Variants in DENND4C observed in about 807,000 individuals in gnomAD.
DENND4C encodes DENN domain containing 4C.
Under a neutral mutation model 203.0 loss-of-function variants are expected in DENND4C, and 108 were observed. That is an observed-to-expected ratio of 0.53 (90% confidence interval 0.46 to 0.62). The LOEUF is 0.62. Among genes scored for constraint, DENND4C ranks in the 20% least tolerant of loss-of-function variants. DENND4C has a pLI of 0.00. For missense variants in DENND4C, 2,481 were observed against 2,301.2 expected, an observed-to-expected ratio of 1.08 and a Z score of -1.60; for synonymous variants, 871 against 792.4, an observed-to-expected ratio of 1.10 and a Z score of -1.67.
rs1166538445 is a variant in DENND4C at position 19,328,653 on chromosome 9, GTCTGTCTA to G, written c.2253+495_2253+502del. ...TATGTGTCTGTCTGTCTGTCTGTCT[GTCTGTCTA>G]TCTATCTATCTATCTATCTATCTAT... On this transcript the variant is annotated intron_variant, in intron 16 of 32. Transcript: ENST00000434457. Among the ~76,000 whole-genome samples, 585 of 84,448 alleles carry G rather than the reference GTCTGTCTA, an allele frequency of 6.9e-3. 2 individuals are homozygous for G. Among genetic ancestry groups the G allele is most frequent in the Middle Eastern group, 0.026 (5 of 190 alleles). 55.4% of individuals were successfully genotyped at this position (84,448 alleles called of 152,430 possible).
At position 19,372,226 on chromosome 9, in the gene DENND4C, T is replaced by C. The variant is rs1828972320; in HGVS notation, c.*53T>C. ...CAAGGCTTGGGGATTAGATTTCATC[T>C]GGAAACATTCAAGTTTTTTTTTCCA... On this transcript the variant is annotated 3_prime_UTR_variant, in exon 33 of 33. Coordinates refer to ENST00000434457, the MANE Select transcript of DENND4C (RefSeq NM_001330640.2). The C allele has an allele frequency of 1.3e-6, 2 of 1,560,378 alleles. No homozygotes were observed. Among genetic ancestry groups the C allele is most frequent in the Non-Finnish European group, 1.7e-6 (2 of 1,155,358 alleles).
chr9:19,263,583 T>TA (rs1468451952), intron 1 of DENND4C, among the ~76,000 whole-genome samples: 1 of 152,012 alleles, frequency 6.6e-6, no homozygotes, highest in Non-Finnish European at 1.5e-5. Context: ...GGTCTTGAAT[T>TA]AGGTTTGCTA....
At chr9:19,268,190 C>T (rs1830900735) in intron 1 of DENND4C, among the ~76,000 whole-genome samples, 1 of 151,854 alleles carries the variant, frequency 6.6e-6, no homozygotes, top group African/African-American at 2.4e-5. Context: ...GCCTCGACCT[C>T]TCCGGCTTAA....
rs532573323 is a variant in DENND4C, at chr9:19,292,415, G to A, written c.801+1539G>A. The A allele has an allele frequency of 2.6e-5, 4 of 152,068 alleles. No homozygotes were observed. In the East Asian group the frequency reaches 5.8e-4, roughly 22 times the overall value. The allele number at this position is 152,068 out of a possible 1,614,324, so 9.4% of individuals were successfully genotyped here. ...AGAGAAAAGACATTTATTGTCTTAT[G>A]TAAAACATATATTGTATATAACAGT... On this transcript the variant is annotated intron_variant, in intron 5 of 32. Transcript: ENST00000434457.
At chr9:19,280,721 GT>G (rs1158489546) in intron 2 of DENND4C, among the ~76,000 whole-genome samples, 3 of 150,358 alleles carry the variant, frequency 2.0e-5, no homozygotes, top group African/African-American at 4.9e-5. Flanking sequence ...TAAAAAAATT[GT>G]TTTTTTTAAT....
chr9:19,244,310 C>T (rs1564080054), intron 1 of DENND4C, among the ~76,000 whole-genome samples: 1 of 151,926 alleles, frequency 6.6e-6, no homozygotes, highest in Non-Finnish European at 1.5e-5. Context: ...GGATTACAGG[C>T]GTGAGCCTTC....
chr9:19,286,638 G>A, intron 2 of DENND4C, 131 bp from the exon 3 acceptor site: 1 of 846,378 alleles, frequency 1.2e-6, no homozygotes, highest in East Asian at 3.4e-5. Flanking sequence ...CAATAGGAGA[G>A]ACCAAAAAAA....
rs951630731 is a variant in DENND4C at position 19,372,899 on chromosome 9, T to G, written c.*726T>G. The G allele has an allele frequency of 2.0e-5, 3 of 150,818 alleles. No homozygotes were observed. The highest frequency in any genetic ancestry group is 2.0e-4 in the Admixed American group (3 of 15,128). The allele number at this position is 150,818 out of a possible 1,614,324, so 9.3% of individuals were successfully genotyped here. ...AAAAAAAGAGAGCAACATATTTGTG[T>G]AAGTTTGTATATGTGTAGGGCTGTG... is the stretch of plus-strand genomic sequence containing the variant. On this transcript the variant is annotated 3_prime_UTR_variant, in exon 33 of 33. Coordinates refer to ENST00000434457, the MANE Select transcript of DENND4C (RefSeq NM_001330640.2).
intron 9 of DENND4C, among the ~76,000 whole-genome samples, chr9:19,301,991 C>G (rs766886808): frequency 1.6e-4 from 25 of 152,056 alleles, no homozygotes; most frequent in Non-Finnish European, 3.4e-4. Context: ...TTATTGAAGC[C>G]CCTTTGTCAG....
At position 19,324,470 on chromosome 9, in the gene DENND4C, A is replaced by G. The variant is rs1843387495; in HGVS notation, c.1916A>G (p.Asp639Gly). Residue 639 changes from aspartate (D) to glycine (G), a missense_variant, in exon 13 of 33, where the codon GAT becomes GGT. Asp to Gly is a moderately conservative substitution (Grantham distance 94). Transcript: ENST00000434457. ...IEECSFVSDK[D>G]TGLAFFDDCI... is the part of the protein sequence containing the mutation. Reference sequence around the variant, plus strand: ...GAATGCAGTTTTGTAAGTGATAAAGATACTGGATTAGCATTTTTTGATGAC... The same window carrying G: ...GAATGCAGTTTTGTAAGTGATAAAGGTACTGGATTAGCATTTTTTGATGAC... The G allele has an allele frequency of 6.2e-7, 1 of 1,610,648 alleles. No homozygotes were observed. Among genetic ancestry groups the G allele is most frequent in the Middle Eastern group, 1.7e-4 (1 of 6,042 alleles).
chr9:19,360,416 T>G lies in DENND4C; in HGVS notation c.5333T>G (p.Phe1778Cys). The G allele has an allele frequency of 6.2e-7, 1 of 1,614,146 alleles. No individual in the cohort carries two copies. The highest frequency in any genetic ancestry group is 8.5e-7 in the Non-Finnish European group (1 of 1,180,000). ...ATTTTCTGGAACCTCGTTTGGTATTTCAGACGTTTGGACCTTCCTAGTAAC... is the reference window on the plus strand; with the variant it reads ...ATTTTCTGGAACCTCGTTTGGTATTGCAGACGTTTGGACCTTCCTAGTAAC... ...PIIFWNLVWY[F>C]RRLDLPSNLP... Residue 1778 changes from phenylalanine (F) to cysteine (C), a missense_variant, in exon 29 of 33, where the codon TTC becomes TGC. This residue lies in a region of DENND4C where 2,289 missense variants were observed against 2,113.3 expected (regional missense o/e 1.08). Coordinates refer to ENST00000434457, the MANE Select transcript of DENND4C (RefSeq NM_001330640.2).
chr9:19,294,688 G>A (rs1400504240), intron 5 of DENND4C, among the ~76,000 whole-genome samples: 4 of 152,036 alleles, frequency 2.6e-5, no homozygotes, highest in African/African-American at 7.3e-5. Context: ...TATATATGAT[G>A]GAATTATGAT....
At chr9:19,360,865 A>G (rs1443051120) in intron 29 of DENND4C, among the ~76,000 whole-genome samples, 1 of 152,090 alleles carries the variant, frequency 6.6e-6, no homozygotes, top group Non-Finnish European at 1.5e-5. Flanking sequence ...CTTGGCCTGA[A>G]CTCAGTTATT....
intron 1 of DENND4C, among the ~76,000 whole-genome samples, chr9:19,231,939 T>C (rs16937396): frequency 0.035 from 5,376 of 152,244 alleles, 321 homozygotes; most frequent in African/African-American, 0.12. Flanking sequence ...GCTAAGGCGC[T>C]AAGTTCTGGA....
Position 19,358,241 on chromosome 9 carries a change from G to A in DENND4C, c.5160+81G>A. The stretch of plus-strand genomic sequence containing the variant: ...AGAACATTATAAATTCTTCTGTAGT[G>A]GACTTATTTTAATTACATGAAAAGT... On this transcript the variant is annotated intron_variant, in intron 28 of 32. Coordinates refer to ENST00000434457, the MANE Select transcript of DENND4C (RefSeq NM_001330640.2). This position sits in a 1 kb window ranked among gnomAD's most constrained non-coding sequence, Gnocchi z 4.8. The A allele has an allele frequency of 8.8e-7, 1 of 1,137,108 alleles. No homozygotes were observed. The highest frequency in any genetic ancestry group is 1.2e-6 in the Non-Finnish European group (1 of 835,412). 70.4% of individuals were successfully genotyped at this position (1,137,108 alleles called of 1,614,324 possible). A position where few individuals can be genotyped will look rare whatever the true frequency, so the allele number is the denominator to read the frequency against.
chr9:19,267,286 T>C (rs372429999), intron 1 of DENND4C, among the ~76,000 whole-genome samples: 2 of 152,304 alleles, frequency 1.3e-5, no homozygotes, highest in East Asian at 3.9e-4. Context: ...ATCTGGGTGC[T>C]CCAGTGTTGG....
chr9:19,252,309 G>C (rs1052334463), intron 1 of DENND4C, among the ~76,000 whole-genome samples: 1 of 152,140 alleles, frequency 6.6e-6, no homozygotes. Context: ...ACCCTCCCCT[G>C]TGATTCAATT....
At chr9:19,343,777 G>A (rs185436221) in intron 22 of DENND4C, among the ~76,000 whole-genome samples, 2 of 152,180 alleles carry the variant, frequency 1.3e-5, no homozygotes, top group Admixed American at 6.5e-5. Context: ...ACTGGACATC[G>A]TCTGTGGACT....
intron 26 of DENND4C, 137 bp downstream of exon 26, chr9:19,352,802 T>C (rs1027143426): frequency 3.5e-6 from 2 of 567,514 alleles, no homozygotes; most frequent in Non-Finnish European, 5.7e-6. Flanking sequence ...GAGTAGCAAA[T>C]ACTAGTAATG....
Sources: allele counts gnomAD v4.1 joint callset (sites outside exome capture counted in the v4.1 genomes callset), GRCh38; gene constraint gnomAD v4.1.1; regional missense constraint gnomAD v4.1.1; non-coding constraint Gnocchi (gnomAD v3.1); transcripts MANE v1.5; gene names NCBI Gene and HGNC (gene_info 2026-07-23, HGNC 2026-07-21).